The following TPST1 variants were observed in gnomAD, a reference collection of about 807,000 sequenced individuals.
The protein encoded by TPST1 is protein-tyrosine sulfotransferase 1.
In TPST1, 20 loss-of-function variants were observed where a neutral mutation model predicts 34.8. The observed-to-expected ratio is 0.57, with a 90% confidence interval of 0.40 to 0.84. TPST1 has a LOEUF of 0.84. TPST1 is among the 40% of genes least tolerant of loss of function. The pLI is 0.00. For missense variants in TPST1, 353 were observed against 455.5 expected, an observed-to-expected ratio of 0.78 and a Z score of 2.05; for synonymous variants, 152 against 159.4, an observed-to-expected ratio of 0.95 and a Z score of 0.35.
chr7:66,199,446 C>T, the TPST1 span, among the ~76,000 whole-genome samples: 3 of 151,850 alleles, frequency 2.0e-5, no homozygotes, highest in Non-Finnish European at 4.4e-5. Context: ...AGGTGCCCAC[C>T]ACCACACCCA....
chr7:66,332,390 C>A lies in TPST1; in HGVS notation c.1045-20115C>A, dbSNP rs1792014234. 6.6e-6 allele frequency among the ~76,000 whole-genome samples: 1 copy of A among 152,112 alleles called. No individual in the cohort carries two copies. The highest frequency in any genetic ancestry group is 1.9e-4 in the East Asian group (1 of 5,166). ...TCAAGCGATTCTCCTGCCTCAGCCT[C>A]CCGAGTAGCTGGGATTACAGGTGCC... On this transcript the variant is annotated intron_variant, in intron 3 of 5. Coordinates refer to ENST00000304842, the MANE Select transcript of TPST1 (RefSeq NM_003596.4). The surrounding 1 kb of genome is among the most constrained non-coding windows in gnomAD (Gnocchi z 4.5).
At chr7:66,353,690 C>G (rs1792526306) in intron 4 of TPST1, among the ~76,000 whole-genome samples, 1 of 152,224 alleles carries the variant, frequency 6.6e-6, no homozygotes, top group South Asian at 2.1e-4. Context: ...CTTCCCTTTC[C>G]AGCAAGGCGA....
chr7:66,254,709 T>C (rs1355353733), intron 2 of TPST1, among the ~76,000 whole-genome samples: 1 of 152,198 alleles, frequency 6.6e-6, no homozygotes, highest in African/African-American at 2.4e-5. Context: ...CAGCCAGATA[T>C]GTGTATTGTT....
intron 1 of TPST1, among the ~76,000 whole-genome samples, chr7:66,211,551 A>T (rs1789243832): frequency 6.6e-6 from 1 of 152,256 alleles, no homozygotes; most frequent in African/African-American, 2.4e-5. Context: ...TGGTTGAATA[A>T]ATCAGTTGAT....
At chr7:66,278,376 G>A (rs1030330921) in intron 2 of TPST1, among the ~76,000 whole-genome samples, 1 of 152,108 alleles carries the variant, frequency 6.6e-6, no homozygotes, top group African/African-American at 2.4e-5. Flanking sequence ...GTAGACTTTA[G>A]GGGTGACATA....
chr7:66,301,008 A>G (rs1418269260), intron 3 of TPST1, among the ~76,000 whole-genome samples: 1 of 152,162 alleles, frequency 6.6e-6, no homozygotes, highest in Non-Finnish European at 1.5e-5. Context: ...TCCATGGACT[A>G]CAGAATGGAT....
chr7:66,269,555 A>G (rs1790656610), intron 2 of TPST1, among the ~76,000 whole-genome samples: 1 of 152,182 alleles, frequency 6.6e-6, no homozygotes, highest in Non-Finnish European at 1.5e-5. Context: ...GTTGTCATTC[A>G]TAATAAAAGC....
chr7:66,217,929 G>A (rs376780246), intron 1 of TPST1, among the ~76,000 whole-genome samples: 3 of 151,608 alleles, frequency 2.0e-5, no homozygotes, highest in African/African-American at 7.3e-5. Flanking sequence ...GCCCAGGCTG[G>A]AGTGAAGTGG....
At chr7:66,348,845 GCC>G (rs1792408054) in intron 3 of TPST1, among the ~76,000 whole-genome samples, 1 of 152,144 alleles carries the variant, frequency 6.6e-6, no homozygotes, top group Non-Finnish European at 1.5e-5. Flanking sequence ...TCAGACAGCT[GCC>G]CACTGAATTT....
intron 2 of TPST1, among the ~76,000 whole-genome samples, chr7:66,267,702 A>C (rs1467193826): frequency 1.3e-5 from 2 of 152,206 alleles, no homozygotes; most frequent in African/African-American, 4.8e-5. Context: ...CTGAAAAATT[A>C]GAGCTTTCCA....
intron 1 of TPST1, among the ~76,000 whole-genome samples, chr7:66,208,409 T>C (rs1584131902): frequency 6.6e-6 from 1 of 152,160 alleles, no homozygotes; most frequent in Non-Finnish European, 1.5e-5. Context: ...TAGGTGACTT[T>C]TCTTTGTGTT....
intron 3 of TPST1, among the ~76,000 whole-genome samples, chr7:66,337,024 C>T (rs938169215): frequency 6.6e-6 from 1 of 152,110 alleles, no homozygotes; most frequent in Non-Finnish European, 1.5e-5. Flanking sequence ...CCTTTATAAA[C>T]ACAAAGGCAA....
At chr7:66,343,208 G>A (rs886253440) in intron 3 of TPST1, among the ~76,000 whole-genome samples, 2 of 152,098 alleles carry the variant, frequency 1.3e-5, no homozygotes, top group African/African-American at 4.8e-5. Context: ...GAGTCTTTAG[G>A]GAAACGAAGA....
At chr7:66,337,969 T>G (rs935344572) in intron 3 of TPST1, among the ~76,000 whole-genome samples, 3 of 152,106 alleles carry the variant, frequency 2.0e-5, no homozygotes, top group Admixed American at 6.5e-5. Flanking sequence ...CAAGGAACAG[T>G]ATGGCAGTAG....
intron 3 of TPST1, among the ~76,000 whole-genome samples, chr7:66,316,405 T>G (rs924432987): frequency 6.6e-6 from 1 of 152,234 alleles, no homozygotes; most frequent in Non-Finnish European, 1.5e-5. Context: ...GTGTATTCAC[T>G]AATTAATGGG....
chr7:66,349,424 T>G (rs1279625933), intron 3 of TPST1, among the ~76,000 whole-genome samples: 1 of 151,972 alleles, frequency 6.6e-6, no homozygotes, highest in East Asian at 1.9e-4. Flanking sequence ...TTCAAAAAAG[T>G]AGCCAGGCGT....
intron 2 of TPST1, among the ~76,000 whole-genome samples, chr7:66,260,996 C>A (rs1476947893): frequency 6.6e-6 from 1 of 152,156 alleles, no homozygotes; most frequent in Non-Finnish European, 1.5e-5. Context: ...ACAGCTCTCT[C>A]CTCTTTGATT....
chr7:66,250,118 C>A (rs561673889), intron 2 of TPST1, among the ~76,000 whole-genome samples: 1 of 152,290 alleles, frequency 6.6e-6, no homozygotes, highest in South Asian at 2.1e-4. Context: ...GGTAATGATA[C>A]CATCCAACAT....
intron 1 of TPST1, among the ~76,000 whole-genome samples, chr7:66,217,205 A>G (rs1314358758): frequency 6.6e-6 from 1 of 152,124 alleles, no homozygotes; most frequent in African/African-American, 2.4e-5. Flanking sequence ...TGTTAGATCT[A>G]GTTGATTTGT....
Sources: allele counts gnomAD v4.1 joint callset (sites outside exome capture counted in the v4.1 genomes callset), GRCh38; gene constraint gnomAD v4.1.1; non-coding constraint Gnocchi (gnomAD v3.1); transcripts MANE v1.5; gene names NCBI Gene and HGNC (gene_info 2026-07-23, HGNC 2026-07-21).